Variants in PLXNB1 observed in about 807,000 individuals in gnomAD.
The protein encoded by PLXNB1 is plexin B1.
Under a neutral mutation model 209.4 loss-of-function variants are expected in PLXNB1, and 106 were observed. The ratio of observed to expected loss-of-function variants is 0.51; its 90% CI spans 0.43 to 0.59. PLXNB1 has a LOEUF of 0.59. Among genes scored for constraint, PLXNB1 ranks in the 20% least tolerant of loss-of-function variants. PLXNB1 has a pLI of 0.00. For missense variants in PLXNB1, 2,357 were observed against 2,853.2 expected (o/e 0.83, Z 3.96); for synonymous variants, 1,167 against 1,183.2 (o/e 0.99, Z 0.28).
In PLXNB1 at chr3:48,429,024, G is replaced by C. The variant is rs2107060510; in HGVS notation, c.-60+984C>G. ...GGGCCGGCCGGTCCCCGGCGGCGACGGCGAGGAGGGGGCGCGGAGGAGCAG... is the reference window on the plus strand; with the variant it reads ...GGGCCGGCCGGTCCCCGGCGGCGACCGCGAGGAGGGGGCGCGGAGGAGCAG... On this transcript the variant is annotated intron_variant, in intron 1 of 37. Coordinates refer to ENST00000296440, the MANE Select transcript of PLXNB1 (RefSeq NM_001130082.3). The surrounding 1 kb of genome is among the most constrained non-coding windows in gnomAD (Gnocchi z 6.4). 6.6e-6 allele frequency among the ~76,000 whole-genome samples: 1 copy of C among 152,270 alleles called. No homozygotes were observed.
intron 10 of PLXNB1, 54 bp downstream of exon 10, chr3:48,420,611 T>G: frequency 7.0e-7 from 1 of 1,430,152 alleles, no homozygotes; most frequent in South Asian, 1.1e-5. Context: ...AGAAAAACTC[T>G]CACACTGGGA....
Position 48,412,839 on chromosome 3 carries a change from T to A in PLXNB1, c.4757A>T (p.His1586Leu). ...GCTCTCAGGCACACCCAGGTCCCGG[T>A]GCAAGGGCGACTCGCGGTGCCCAGG... ...FFPGHRESPL[H>L]RDLGVPESRR... The change falls in exon 25 of 38, where the codon CAC becomes CTC. Residue 1586 changes from histidine to leucine, a missense_variant. His to Leu is a moderately conservative substitution (Grantham distance 99). Around this residue, in one of 7 missense-constraint regions of PLXNB1, gnomAD observed 743 missense variants for 896.2 expected, o/e 0.83. Coordinates refer to ENST00000296440, the MANE Select transcript of PLXNB1 (RefSeq NM_001130082.3). The A allele has an allele frequency of 6.2e-7, 1 of 1,613,566 alleles. No homozygotes were observed. Among genetic ancestry groups the A allele is most frequent in the Non-Finnish European group, 8.5e-7 (1 of 1,179,968 alleles).
Position 48,424,136 on chromosome 3 carries a change from C to A in PLXNB1, c.476G>T (p.Gly159Val). ...AAACAGGAGGGGCTCCCCTGCCAAGCCCTGGGCTACCAGCCCCACCGTGCT... is the reference window on the plus strand; with the variant it reads ...AAACAGGAGGGGCTCCCCTGCCAAGACCTGGGCTACCAGCCCCACCGTGCT... ...AVSTVGLVAQGLAGEPLLFVG... is the reference protein window; with the variant it reads ...AVSTVGLVAQVLAGEPLLFVG... The change falls in exon 3 of 38, where the codon GGC becomes GTC. Residue 159 changes from glycine to valine, a missense_variant. Gly to Val is a moderately radical substitution (Grantham distance 109, BLOSUM62 -3). Coordinates refer to ENST00000296440, the MANE Select transcript of PLXNB1 (RefSeq NM_001130082.3). The A allele has an allele frequency of 6.4e-7, 1 of 1,559,120 alleles. No individual in the cohort carries two copies. The highest frequency in any genetic ancestry group is 8.7e-7 in the Non-Finnish European group (1 of 1,151,942).
chr3:48,427,721 C>T (rs1453641895), intron 1 of PLXNB1, among the ~76,000 whole-genome samples: 1 of 152,176 alleles, frequency 6.6e-6, no homozygotes, highest in Non-Finnish European at 1.5e-5. Context: ...CTTGCCGCTG[C>T]CTGGAATGCC....
In PLXNB1 at chr3:48,419,359, G is replaced by T; in HGVS notation, c.2717C>A (p.Ala906Glu). The change falls in exon 12 of 38, where the codon GCG becomes GAG. Residue 906 changes from alanine (A) to glutamate (E), a missense_variant. Ala to Glu is a moderately radical substitution (Grantham distance 107, BLOSUM62 -1). This residue lies in a region of PLXNB1 where 410 missense variants were observed against 401.0 expected (regional missense o/e 1.02). Coordinates refer to ENST00000296440, the MANE Select transcript of PLXNB1 (RefSeq NM_001130082.3). The surrounding 1 kb of genome is among the most constrained non-coding windows in gnomAD (Gnocchi z 5.7). ...GGGGCAGGAGCTTGCCCCCAAGGTC[G>T]CCTCTTCCTGCAGGCACCAAGGGCA... ...DTPGLWELEE[A>E]TLGASSCPCV... The T allele has an allele frequency of 6.4e-7, 1 of 1,560,562 alleles. No individual in the cohort carries two copies. Among genetic ancestry groups the T allele is most frequent in the Non-Finnish European group, 8.7e-7 (1 of 1,149,952 alleles).
chr3:48,413,639 C>CCCCAG lies in PLXNB1; in HGVS notation c.4535+26_4535+30dup. On this transcript the variant is annotated intron_variant, in intron 23 of 37. Transcript: ENST00000296440. The surrounding 1 kb of genome is among the most constrained non-coding windows in gnomAD (Gnocchi z 5.4). ...CAGTCCAGCCAGATCCCACGACCTG[C>CCCCAG]CCCAGCCCAGCCACATCTGGCTGCA... is the stretch of plus-strand genomic sequence containing the variant. 6.3e-7 allele frequency: 1 copy of CCCCAG among 1,583,714 alleles called. No individual in the cohort carries two copies. Among genetic ancestry groups the CCCCAG allele is most frequent in the South Asian group, 1.1e-5 (1 of 88,466 alleles).
rs754299967 is a variant in PLXNB1 at position 48,420,792 on chromosome 3, T to C, written c.1920-19A>G. The C allele has an allele frequency of 1.9e-6, 3 of 1,613,304 alleles. No homozygotes were observed. The highest frequency in any genetic ancestry group is 1.7e-5 in the Admixed American group (1 of 59,994). On this transcript the variant is annotated intron_variant, in intron 9 of 37. Coordinates refer to ENST00000296440, the MANE Select transcript of PLXNB1 (RefSeq NM_001130082.3). ...CTGGCACCTGCACAGAGCACAGCCA[T>C]GGGGCAAGGGTCGCCACAGGGAAGC... is the stretch of plus-strand genomic sequence containing the variant.
In PLXNB1 at chr3:48,413,723, C is replaced by A; in HGVS notation, c.4482G>T (p.Gly1494=). Residue 1494 remains glycine (G), a synonymous_variant, in exon 23 of 38, where the codon GGG becomes GGT. Transcript: ENST00000296440. The surrounding 1 kb of genome is among the most constrained non-coding windows in gnomAD (Gnocchi z 5.4). ...AFPVAAQVGL[G]VGTSLLALGV... is the part of the protein sequence containing the mutation. ...CCAGAGCCAGAAGAGAGGTGCCCAC[C>A]CCCAAGCCCACCTGGGCTGCCACAG... 6.2e-7 allele frequency: 1 copy of A among 1,613,700 alleles called. No individual in the cohort carries two copies. The highest frequency in any genetic ancestry group is 8.5e-7 in the Non-Finnish European group (1 of 1,180,028).
In PLXNB1 at chr3:48,415,624, G is replaced by A. The variant is rs186941317; in HGVS notation, c.3753C>T (p.Asp1251=). ...TGGGGCCAGCAGAGGTGATGTTGGG[G>A]TCCAAGGTATACTTGAACTGTCCGC... The part of the protein sequence containing the change: ...LQRGQFKYTL[D]PNITSAGPTK... Residue 1251 remains aspartate (D), a synonymous_variant, in exon 19 of 38, where the codon GAC becomes GAT. Coordinates refer to ENST00000296440, the MANE Select transcript of PLXNB1 (RefSeq NM_001130082.3). The surrounding 1 kb of genome is among the most constrained non-coding windows in gnomAD (Gnocchi z 5.0). 64 of 1,584,356 alleles carry A rather than the reference G, an allele frequency of 4.0e-5. No homozygotes were observed. The highest frequency in any genetic ancestry group is 5.1e-5 in the Non-Finnish European group (60 of 1,165,108).
chr3:48,418,935 G>A lies in PLXNB1; in HGVS notation c.2937C>T (p.Val979=). Residue 979 remains valine (V), a synonymous_variant, in exon 13 of 38, where the codon GTC becomes GTT. Transcript: ENST00000296440. This position sits in a 1 kb window ranked among gnomAD's most constrained non-coding sequence, Gnocchi z 6.6. ...CEPPPDTQCH[V]TCQQHQLSYE... Reference sequence around the variant, plus strand: ...TGTGCACCTGGTGCTGCTGGCAGGTGACATGGCACTGGGTATCTGGAGGTG... The same window carrying A: ...TGTGCACCTGGTGCTGCTGGCAGGTAACATGGCACTGGGTATCTGGAGGTG... 1 of 1,614,038 alleles carries A rather than the reference G, an allele frequency of 6.2e-7. No individual in the cohort carries two copies. The highest frequency in any genetic ancestry group is 8.5e-7 in the Non-Finnish European group (1 of 1,180,008).
Position 48,423,729 on chromosome 3 carries a change from C to A in PLXNB1, c.883G>T (p.Ala295Ser). 6.2e-7 allele frequency: 1 copy of A among 1,613,830 alleles called. No homozygotes were observed. The highest frequency in any genetic ancestry group is 8.5e-7 in the Non-Finnish European group (1 of 1,179,940). Residue 295 changes from alanine (A) to serine (S), a missense_variant, in exon 3 of 38, where the codon GCA becomes TCA. Around this residue, in one of 7 missense-constraint regions of PLXNB1, gnomAD observed 404 missense variants for 443.6 expected, o/e 0.91. Coordinates refer to ENST00000296440, the MANE Select transcript of PLXNB1 (RefSeq NM_001130082.3). ...REVAHGEVLF[A>S]AFSSAAPPTV... ...GGGGGTGCAGCCGAGGAGAAAGCTG[C>A]AAAGAGCACCTCCCCATGCGCCACC...
chr3:48,421,894 G>A (rs941931576), intron 6 of PLXNB1, 88 bp from the exon 7 acceptor site: 1 of 1,526,792 alleles, frequency 6.5e-7, no homozygotes, highest in Admixed American at 2.0e-5. Flanking sequence ...GGAGGACCTG[G>A]GCAGGGCCCT....
chr3:48,420,328 C>T (rs374110049), intron 10 of PLXNB1, 71 bp from the exon 11 acceptor site: 143 of 844,092 alleles, frequency 1.7e-4, no homozygotes, highest in African/African-American at 1.7e-3. Flanking sequence ...GGCAGGCAGG[C>T]ACAGTGTATG....
intron 37 of PLXNB1, 115 bp from the exon 38 acceptor site, chr3:48,404,705 C>T: frequency 1.5e-6 from 1 of 653,780 alleles, no homozygotes; most frequent in Non-Finnish European, 2.6e-6. Flanking sequence ...GCCAAGAAAC[C>T]CAGCCGGTCA....
Position 48,420,651 on chromosome 3 carries a change from A to G in PLXNB1, c.2028+14T>C, listed in dbSNP as rs779780441. The G allele has an allele frequency of 8.7e-6, 14 of 1,607,372 alleles. No individual in the cohort carries two copies. The East Asian group carries it at 1.1e-4, about 13-fold the overall frequency. On this transcript the variant is annotated intron_variant, in intron 10 of 37. Coordinates refer to ENST00000296440, the MANE Select transcript of PLXNB1 (RefSeq NM_001130082.3). ...CAACCCCCCCGGTATGGCCCAGCCC[A>G]AAGTCACACTCACCTGATGGCTTGC...
Position 48,413,046 on chromosome 3 carries a change from G to T in PLXNB1, c.4636+23C>A. 1 of 1,606,864 alleles carries T rather than the reference G, an allele frequency of 6.2e-7. No individual in the cohort carries two copies. Among genetic ancestry groups the T allele is most frequent in the African/African-American group, 1.3e-5 (1 of 74,838 alleles). ...GGGTTTGGGCAGAGTTCTGGAGGGC[G>T]GGGCCCATTCTCTCAGCCACACCTG... On this transcript the variant is annotated intron_variant, in intron 24 of 37. Coordinates refer to ENST00000296440, the MANE Select transcript of PLXNB1 (RefSeq NM_001130082.3). This position sits in a 1 kb window ranked among gnomAD's most constrained non-coding sequence, Gnocchi z 5.4.
chr3:48,428,571 C>T (rs1389087640), intron 1 of PLXNB1, among the ~76,000 whole-genome samples: 1 of 152,212 alleles, frequency 6.6e-6, no homozygotes, highest in Non-Finnish European at 1.5e-5. Context: ...ATAGGACAGC[C>T]CACATTTGCC....
Position 48,416,070 on chromosome 3 carries a change from T to A in PLXNB1, c.3578A>T (p.Glu1193Val), listed in dbSNP as rs1242235290. 1.2e-6 allele frequency: 2 copies of A among 1,602,208 alleles called. No individual in the cohort carries two copies. The highest frequency in any genetic ancestry group is 1.7e-6 in the Non-Finnish European group (2 of 1,174,744). ...GTCTCCAACCACCACTCGGATGTCC[T>A]CCAGCCGCCCAGTCAGGAGCTTGGA... ...NGSKLLTGRL[E>V]DIRVVVGDQP... is the part of the protein sequence containing the mutation. The change falls in exon 18 of 38, where the codon GAG (glutamate) becomes GTG (valine). Residue 1193 changes from glutamate (E) to valine (V), a missense_variant. This residue lies in a region of PLXNB1 where 743 missense variants were observed against 896.2 expected (regional missense o/e 0.83). Transcript: ENST00000296440. The surrounding 1 kb of genome is among the most constrained non-coding windows in gnomAD (Gnocchi z 4.1).
rs2038064553 is a variant in PLXNB1 at position 48,415,953 on chromosome 3, C to T, written c.3617+78G>A. ...CAGACTGGCCCTCTTCCCCTTTCTG[C>T]TCTCCCCAGGATCTCAGACCCCTCC... On this transcript the variant is annotated intron_variant, in intron 18 of 37. Coordinates refer to ENST00000296440, the MANE Select transcript of PLXNB1 (RefSeq NM_001130082.3). This position sits in a 1 kb window ranked among gnomAD's most constrained non-coding sequence, Gnocchi z 5.0. The T allele has an allele frequency of 6.7e-7, 1 of 1,497,010 alleles. No individual in the cohort carries two copies. The highest frequency in any genetic ancestry group is 1.4e-5 in the African/African-American group (1 of 72,356). 92.7% of individuals were successfully genotyped at this position (1,497,010 alleles called of 1,614,324 possible). A position where few individuals can be genotyped will look rare whatever the true frequency, so the allele number is the denominator to read the frequency against.
Sources: gnomAD v4.1 joint callset for allele counts (sites outside exome capture counted in the v4.1 genomes callset) on GRCh38, gnomAD v4.1.1 for gene constraint, gnomAD v4.1.1 regional missense constraint, Gnocchi (gnomAD v3.1) non-coding constraint, MANE v1.5 for transcripts, NCBI Gene and HGNC (gene_info 2026-07-23, HGNC 2026-07-21) for gene names.